GPR39: variants seen among roughly 807,000 people sequenced by gnomAD.
GPR39 encodes the protein G protein-coupled receptor 39, also known as zinc sensing receptor.
In GPR39, 23 loss-of-function variants were observed where a neutral mutation model predicts 18.4. The observed-to-expected ratio is 1.25, with a 90% CI of 0.90 to 1.77. The LOEUF (loss-of-function observed/expected upper bound fraction) is 1.77. Among genes scored for constraint, GPR39 ranks in the 40% most tolerant of loss-of-function variants. The probability of loss-of-function intolerance (pLI) is 0.00; values close to 1 mark genes in which losing one functional copy is unlikely to be tolerated. For missense variants in GPR39, 647 were observed against 602.4 expected, an observed-to-expected ratio of 1.07 and a Z score of -0.78; for synonymous variants, 280 against 257.9, an observed-to-expected ratio of 1.09 and a Z score of -0.82.
chr2:132,491,181 G>A (rs1357354465), intron 1 of GPR39, among the ~76,000 whole-genome samples: 1 of 152,040 alleles, frequency 6.6e-6, no homozygotes, highest in Non-Finnish European at 1.5e-5. Flanking sequence ...GTATTGAACT[G>A]GAACAATATA....
intron 1 of GPR39, among the ~76,000 whole-genome samples, chr2:132,447,555 A>G (rs927030161): frequency 6.6e-6 from 1 of 152,180 alleles, no homozygotes; most frequent in Non-Finnish European, 1.5e-5. Flanking sequence ...TATTATAACT[A>G]TTATAACAAT....
intron 1 of GPR39, among the ~76,000 whole-genome samples, chr2:132,513,754 C>T (rs1191444556): frequency 1.3e-5 from 2 of 152,284 alleles, no homozygotes; most frequent in African/African-American, 2.4e-5. Context: ...TCTGGCCCCC[C>T]GAGTGGGAGT....
At chr2:132,493,380 C>T (rs1681554379) in intron 1 of GPR39, among the ~76,000 whole-genome samples, 1 of 144,080 alleles carries the variant, frequency 6.9e-6, no homozygotes, top group East Asian at 2.0e-4. Context: ...TATATATACA[C>T]ACCGTATATA....
At chr2:132,641,880 T>A (rs1681862623) in intron 1 of GPR39, among the ~76,000 whole-genome samples, 1 of 152,208 alleles carries the variant, frequency 6.6e-6, no homozygotes, top group Non-Finnish European at 1.5e-5. Flanking sequence ...AAAGTATGAA[T>A]AGCAAACAAT....
intron 1 of GPR39, among the ~76,000 whole-genome samples, chr2:132,521,554 C>G (rs965687575): frequency 1.2e-4 from 18 of 152,262 alleles, no homozygotes; most frequent in African/African-American, 4.3e-4. Flanking sequence ...GCCTTCAGAT[C>G]CAGAATGAAA....
intron 1 of GPR39, among the ~76,000 whole-genome samples, chr2:132,469,128 G>A (rs10200811): frequency 2.0e-5 from 3 of 151,982 alleles, no homozygotes; most frequent in East Asian, 1.9e-4. Flanking sequence ...GCTTCATTCC[G>A]TTGTGTCTTT....
chr2:132,565,644 T>C (rs1680337690), intron 1 of GPR39, among the ~76,000 whole-genome samples: 1 of 145,832 alleles, frequency 6.9e-6, no homozygotes, highest in Non-Finnish European at 1.5e-5. Context: ...AGTGAGAATA[T>C]GCGGTGTTTG....
At chr2:132,628,826 T>C (rs1681598687) in intron 1 of GPR39, among the ~76,000 whole-genome samples, 1 of 152,000 alleles carries the variant, frequency 6.6e-6, no homozygotes, top group African/African-American at 2.4e-5. Context: ...GATAAGACCT[T>C]GGCACACACT....
intron 1 of GPR39, among the ~76,000 whole-genome samples, chr2:132,574,759 T>C (rs967458730): frequency 4.6e-5 from 7 of 152,240 alleles, no homozygotes; most frequent in African/African-American, 1.4e-4. Flanking sequence ...TTACAATTTA[T>C]TCTATTAGAG....
chr2:132,577,989 T>C (rs1029532985), intron 1 of GPR39, among the ~76,000 whole-genome samples: 1 of 152,066 alleles, frequency 6.6e-6, no homozygotes, highest in Non-Finnish European at 1.5e-5. Flanking sequence ...TTTCATTAAG[T>C]GTAACGTTAA....
chr2:132,503,259 G>A (rs1679080239), intron 1 of GPR39, among the ~76,000 whole-genome samples: 1 of 152,176 alleles, frequency 6.6e-6, no homozygotes, highest in African/African-American at 2.4e-5. Flanking sequence ...GTCCCAAGGA[G>A]TGCTATTTTG....
At chr2:132,574,903 G>A (rs1160117515) in intron 1 of GPR39, among the ~76,000 whole-genome samples, 2 of 152,160 alleles carry the variant, frequency 1.3e-5, no homozygotes. Context: ...GCACTAAGGA[G>A]AGCAAAGTGT....
intron 1 of GPR39, among the ~76,000 whole-genome samples, chr2:132,577,345 GAAA>G (rs111662809): frequency 1.4e-5 from 2 of 146,456 alleles, no homozygotes; most frequent in African/African-American, 4.9e-5. Flanking sequence ...CCCTGTCTCA[GAAA>G]AAAAAAAATT....
chr2:132,429,887 A>G (rs1680193220), intron 1 of GPR39, among the ~76,000 whole-genome samples: 1 of 152,212 alleles, frequency 6.6e-6, no homozygotes, highest in African/African-American at 2.4e-5. Context: ...GAATGATTGG[A>G]CTGGAGTAGG....
chr2:132,630,122 A>G (rs552496231), intron 1 of GPR39, among the ~76,000 whole-genome samples: 4 of 152,314 alleles, frequency 2.6e-5, no homozygotes, highest in African/African-American at 9.6e-5. Context: ...AGACATAGAC[A>G]TAGGATAGAT....
At chr2:132,435,224 C>T (rs961073040) in intron 1 of GPR39, among the ~76,000 whole-genome samples, 10 of 151,982 alleles carry the variant, frequency 6.6e-5, no homozygotes, top group African/African-American at 1.7e-4. Context: ...GTGTGCCTGC[C>T]TCTCCTGCTC....
intron 1 of GPR39, among the ~76,000 whole-genome samples, chr2:132,592,808 T>A (rs1230227114): frequency 6.6e-6 from 1 of 152,084 alleles, no homozygotes; most frequent in East Asian, 1.9e-4. Flanking sequence ...ATGCAGAATG[T>A]GAGAGATATA....
chr2:132,492,912 A>G (rs1407432450), intron 1 of GPR39, among the ~76,000 whole-genome samples: 2 of 136,158 alleles, frequency 1.5e-5, no homozygotes, highest in Non-Finnish European at 3.1e-5. Flanking sequence ...TATATACACC[A>G]TATACCATAT....
intron 1 of GPR39, among the ~76,000 whole-genome samples, chr2:132,457,337 T>C (rs574502227): frequency 6.6e-6 from 1 of 152,354 alleles, no homozygotes; most frequent in African/African-American, 2.4e-5. Flanking sequence ...CATCAGTTCA[T>C]TTAAGGTCTT....
Sources: allele counts gnomAD v4.1 joint callset (sites outside exome capture counted in the v4.1 genomes callset), GRCh38; gene constraint gnomAD v4.1.1; transcripts MANE v1.5; gene names NCBI Gene and HGNC (gene_info 2026-07-23, HGNC 2026-07-21).